Variants in EVC observed in about 807,000 individuals in gnomAD.
EVC encodes the protein EvC ciliary complex subunit 1.
In EVC, 116 loss-of-function variants were observed where a neutral mutation model predicts 118.9. That is an observed-to-expected ratio of 0.98 (90% CI 0.84 to 1.14). The LOEUF is 1.14. Among genes scored for constraint, EVC ranks in the 50% most tolerant of loss-of-function variants. The probability of loss-of-function intolerance (pLI) is 0.00; values close to 1 mark genes in which losing one functional copy is unlikely to be tolerated. For missense variants in EVC, 1,401 were observed against 1,246.4 expected (o/e 1.12, Z -1.87); for synonymous variants, 619 against 534.7 (o/e 1.16, Z -2.18).
At position 5,746,158 on chromosome 4, in the gene EVC, A is replaced by C. The variant is rs187237005; in HGVS notation, c.939+817A>C. 1.1e-3 allele frequency among the ~76,000 whole-genome samples: 165 copies of C among 152,184 alleles called. No homozygotes were observed. Among genetic ancestry groups the C allele is most frequent in the African/African-American group, 3.6e-3 (150 of 41,520 alleles). On this transcript the variant is annotated intron_variant, in intron 7 of 20. Coordinates refer to ENST00000264956, the MANE Select transcript of EVC (RefSeq NM_153717.3). This position sits in a 1 kb window ranked among gnomAD's most constrained non-coding sequence, Gnocchi z 5.8. Reference sequence around the variant, plus strand: ...TGGCCAGAGGGCTTGTTTGTGTCTTAAGCCAGCGAGATGGGAGTGTCTATT... The same window carrying C: ...TGGCCAGAGGGCTTGTTTGTGTCTTCAGCCAGCGAGATGGGAGTGTCTATT...
In EVC at chr4:5,733,397, C is replaced by A; in HGVS notation, c.664C>A (p.Leu222Met). ...CIYSLHLKDL[L>M]HLDTALRQEK... ...CTACAGCCTTCACTTAAAAGACCTG[C>A]TGCATTTGGACACGGCACTGAGGCA... is the stretch of plus-strand genomic sequence containing the variant. Residue 222 changes from leucine (L) to methionine (M), a missense_variant, in exon 5 of 21, where the codon CTG becomes ATG. Transcript: ENST00000264956. The A allele has an allele frequency of 6.2e-7, 1 of 1,614,066 alleles. No individual in the cohort carries two copies. The highest frequency in any genetic ancestry group is 8.5e-7 in the Non-Finnish European group (1 of 1,179,964).
rs1014470434 is a variant in EVC at position 5,756,373 on chromosome 4, T to A, written c.1563+11T>A. ...GTTGCACTCTGCCAGGTACATGGCC[T>A]CTGTGGGGACCAGCAGAGAAGCCCC... is the stretch of plus-strand genomic sequence containing the variant. On this transcript the variant is annotated intron_variant, in intron 11 of 20. Transcript: ENST00000264956. The surrounding 1 kb of genome is among the most constrained non-coding windows in gnomAD (Gnocchi z 4.2). The A allele has an allele frequency of 1.4e-5, 23 of 1,599,260 alleles. No individual in the cohort carries two copies. The Admixed American group carries it at 3.1e-4, about 21-fold the overall frequency.
At chr4:5,783,877 G>A (rs149528613) in intron 12 of EVC, 113 bp downstream of exon 12, 19 of 995,662 alleles carry the variant, frequency 1.9e-5, no homozygotes, top group East Asian at 1.6e-4. Context: ...GGTGCTCTAC[G>A]GAGATGACTG....
At chr4:5,733,507 T>A in intron 5 of EVC, 72 bp downstream of exon 5, 4 of 1,292,324 alleles carry the variant, frequency 3.1e-6, no homozygotes, top group Non-Finnish European at 4.5e-6. Context: ...CTGTGTGCAG[T>A]GAGTCCCAGA....
the EVC span, chr4:5,825,362 G>A: frequency 1.5e-5 from 21 of 1,439,048 alleles, no homozygotes; most frequent in Non-Finnish European, 1.9e-5. The surrounding 1 kb of genome is among the most constrained non-coding windows in gnomAD (Gnocchi z 4.4). Flanking sequence ...GCAGGCTCGG[G>A]TGGGGCACAC....
chr4:5,784,842 A>G (rs1285164060), intron 12 of EVC, among the ~76,000 whole-genome samples: 1 of 152,108 alleles, frequency 6.6e-6, no homozygotes, highest in African/African-American at 2.4e-5. Flanking sequence ...TCCTGAACTC[A>G]AGTGATCTGC....
Position 5,719,391 on chromosome 4 carries a change from GT to G in EVC, c.300+21del. The G allele has an allele frequency of 6.2e-7, 1 of 1,614,056 alleles. No homozygotes were observed. The highest frequency in any genetic ancestry group is 1.1e-5 in the South Asian group (1 of 91,078). Reference sequence around the variant, plus strand: ...CTGTTGATGTAAGCTTGGTGTTGATGTTTGTTTGTGGAGGCACATGTGGGAG... The same window carrying G: ...CTGTTGATGTAAGCTTGGTGTTGATGTTGTTTGTGGAGGCACATGTGGGAG... On this transcript the variant is annotated intron_variant, in intron 2 of 20. Coordinates refer to ENST00000264956, the MANE Select transcript of EVC (RefSeq NM_153717.3). The surrounding 1 kb of genome is among the most constrained non-coding windows in gnomAD (Gnocchi z 4.7).
chr4:5,803,264 A>C (rs1470473177), intron 16 of EVC, among the ~76,000 whole-genome samples: 1 of 152,198 alleles, frequency 6.6e-6, no homozygotes, highest in African/African-American at 2.4e-5. Flanking sequence ...CTGGAATTGG[A>C]ATCTATCCCA....
intron 11 of EVC, among the ~76,000 whole-genome samples, chr4:5,768,617 G>T (rs1733410373): frequency 6.6e-6 from 1 of 152,008 alleles, no homozygotes; most frequent in African/African-American, 2.4e-5. Context: ...AGCACTTTGG[G>T]AGGCTGAGGC....
chr4:5,742,267 G>A lies in EVC; in HGVS notation c.801+453G>A, dbSNP rs139781698. Among the ~76,000 whole-genome samples, 127 of 152,260 alleles carry A rather than the reference G, an allele frequency of 8.3e-4. No homozygotes were observed. The highest frequency in any genetic ancestry group is 1.6e-3 in the Admixed American group (25 of 15,300). ...TTATCTTTTACAAGCTCTCAGAATC[G>A]TAGTTTCCTTTTTGTATAGTGAGAT... On this transcript the variant is annotated intron_variant, in intron 6 of 20. Transcript: ENST00000264956. This position sits in a 1 kb window ranked among gnomAD's most constrained non-coding sequence, Gnocchi z 5.2.
chr4:5,736,654 CTAT>C (rs1727740721), intron 5 of EVC, among the ~76,000 whole-genome samples: 1 of 152,036 alleles, frequency 6.6e-6, no homozygotes, highest in Admixed American at 6.6e-5. Context: ...AACTTATTCA[CTAT>C]TATTGTGTTA....
Position 5,810,068 on chromosome 4 carries a change from G to A in EVC, c.2783-271G>A, listed in dbSNP as rs74714062. 0.011 allele frequency among the ~76,000 whole-genome samples: 1,660 copies of A among 152,314 alleles called. 34 individuals carry two copies. The highest frequency in any genetic ancestry group is 0.038 in the African/African-American group (1,565 of 41,562). On this transcript the variant is annotated intron_variant, in intron 19 of 20. Transcript: ENST00000264956. ...TTCATTAAGTCTTCCAGTCAGCTGG[G>A]TAGAGTGGATACCCAGCGGGAGCCT...
At chr4:5,721,725 G>A (rs1294507260) in intron 2 of EVC, among the ~76,000 whole-genome samples, 2 of 152,134 alleles carry the variant, frequency 1.3e-5, no homozygotes, top group Non-Finnish European at 2.9e-5. Context: ...AAATCAGCTG[G>A]GTGTGGTGGT....
chr4:5,791,506 T>C (rs1712777002), intron 12 of EVC, among the ~76,000 whole-genome samples: 1 of 152,162 alleles, frequency 6.6e-6, no homozygotes, highest in Non-Finnish European at 1.5e-5. Flanking sequence ...TGAAGAGCAG[T>C]ATCCAGGAAG....
At chr4:5,780,650 C>G (rs563201912) in intron 11 of EVC, among the ~76,000 whole-genome samples, 98 of 152,274 alleles carry the variant, frequency 6.4e-4, no homozygotes, top group African/African-American at 2.1e-3. Context: ...ACTCTGTGGT[C>G]TTGTCCATGA....
At chr4:5,822,147 G>A in the EVC span, among the ~76,000 whole-genome samples, 2 of 152,264 alleles carry the variant, frequency 1.3e-5, no homozygotes, top group Non-Finnish European at 2.9e-5. Context: ...CTTACTGAGT[G>A]CCTACTGTGT....
At chr4:5,718,947 G>A (rs1169556104) in intron 1 of EVC, among the ~76,000 whole-genome samples, 6 of 152,172 alleles carry the variant, frequency 3.9e-5, no homozygotes, top group Admixed American at 6.5e-5. Context: ...GAAGAAAAAT[G>A]GAACGAGCTT....
intron 2 of EVC, among the ~76,000 whole-genome samples, chr4:5,728,898 A>G (rs1361062587): frequency 6.6e-6 from 1 of 152,186 alleles, no homozygotes; most frequent in Non-Finnish European, 1.5e-5. Flanking sequence ...ACATTGTGCC[A>G]TTCTCTTATG....
chr4:5,727,995 G>A (rs1430022673), intron 2 of EVC, among the ~76,000 whole-genome samples: 7 of 151,056 alleles, frequency 4.6e-5, no homozygotes, highest in African/African-American at 1.7e-4. Flanking sequence ...ATAGTTTGAA[G>A]TCAGGTAGTG....
Sources: allele counts gnomAD v4.1 joint callset (sites outside exome capture counted in the v4.1 genomes callset), GRCh38; gene constraint gnomAD v4.1.1; non-coding constraint Gnocchi (gnomAD v3.1); transcripts MANE v1.5; gene names NCBI Gene and HGNC (gene_info 2026-07-23, HGNC 2026-07-21).